The following SLIRP variants were observed in gnomAD, a reference collection of about 807,000 sequenced individuals.
The protein encoded by SLIRP is SRA stem-loop interacting RNA binding protein.
Under a neutral mutation model 13.4 loss-of-function variants are expected in SLIRP, and 12 were observed. That is an observed-to-expected ratio of 0.89 (90% CI 0.57 to 1.45). The LOEUF (loss-of-function observed/expected upper bound fraction) is 1.45. Among genes scored for constraint, SLIRP ranks in the 40% most tolerant of loss-of-function variants. SLIRP has a pLI of 0.00. For missense variants in SLIRP, 154 were observed against 132.2 expected, an observed-to-expected ratio of 1.17 and a Z score of -0.81; for synonymous variants, 55 against 47.1, an observed-to-expected ratio of 1.17 and a Z score of -0.69.
Position 77,708,169 on chromosome 14 carries a change from G to A in SLIRP, c.58G>A (p.Val20Ile). The A allele has an allele frequency of 6.2e-7, 1 of 1,614,222 alleles. No individual in the cohort carries two copies. Among genetic ancestry groups the A allele is most frequent in the Non-Finnish European group, 8.5e-7 (1 of 1,180,058 alleles). The part of the protein sequence containing the change: ...AALRRSINQP[V>I]AFVRRIPWTA... ...GCTGCGTAGAAGTATCAATCAGCCG[G>A]TTGCTTTTGTGAGAAGAATTCCTTG... is the stretch of plus-strand genomic sequence containing the variant. Residue 20 changes from valine (V) to isoleucine (I), a missense_variant, in exon 1 of 4, where the codon GTT (valine) becomes ATT (isoleucine). Coordinates refer to ENST00000557342, the MANE Select transcript of SLIRP (RefSeq NM_031210.6).
rs2080433140 is a variant in SLIRP, at chr14:77,710,702, T to C, written c.98-136T>C. The C allele has an allele frequency of 3.2e-6, 5 of 1,570,790 alleles. No individual in the cohort carries two copies. The Admixed American group carries it at 8.7e-5, about 27-fold the overall frequency. The stretch of plus-strand genomic sequence containing the variant: ...CTTTATAGTCAGTACCATAGCTGCT[T>C]CCTAAATCTTAAGCCTTTAAGGAAA... On this transcript the variant is annotated intron_variant, in intron 1 of 3. Coordinates refer to ENST00000557342, the MANE Select transcript of SLIRP (RefSeq NM_031210.6).
intron 1 of SLIRP, among the ~76,000 whole-genome samples, chr14:77,709,423 C>G (rs1247270530): frequency 6.6e-6 from 1 of 152,092 alleles, no homozygotes; most frequent in Non-Finnish European, 1.5e-5. Context: ...AAGACCAAGC[C>G]CAGTAAAGTC....
In SLIRP at chr14:77,709,127, C is replaced by T. The variant is rs917533514; in HGVS notation, c.97+919C>T. Among the ~76,000 whole-genome samples, 2 of 152,100 alleles carry T rather than the reference C, an allele frequency of 1.3e-5. 1 individual carries two copies. Among genetic ancestry groups the T allele is most frequent in the African/African-American group, 4.8e-5 (2 of 41,412 alleles). ...TCACGGTAACTAAAATTGAAACTTA[C>T]GGGAGAGGCCTAGTCTACAGATAAA... On this transcript the variant is annotated intron_variant, in intron 1 of 3. Transcript: ENST00000557342.
rs143538724 is a variant in SLIRP, at chr14:77,710,836, A to G, written c.98-2A>G. The G allele has an allele frequency of 4.3e-5, 69 of 1,614,026 alleles. No homozygotes were observed. In the African/African-American group the frequency reaches 7.7e-4, roughly 18 times the overall value. On this transcript the variant is annotated splice_acceptor_variant, in intron 1 of 3. Transcript: ENST00000557342. LOFTEE classifies it high-confidence loss of function. ...CTTTTAATGTTTTCTTCTGCCACAC[A>G]GGTCAGCTGAAAGAACACTTTGCAC...
intron 3 of SLIRP, chr14:77,716,241 C>A (rs2080477602): frequency 6.0e-6 from 1 of 167,538 alleles, no homozygotes; most frequent in Admixed American, 6.0e-5. Context: ...GCGTGAACCC[C>A]AGGGGGTGGA....
At position 77,715,824 on chromosome 14, in the gene SLIRP, A is replaced by C; in HGVS notation, c.209A>C (p.Glu70Ala). ...RGLGWVQFSS[E>A]EGLRNALQQE... ...TTGGGTTGGGTTCAGTTTTCTTCAG[A>C]AGAAGGACTTCGGAATGCACTACAA... is the stretch of plus-strand genomic sequence containing the variant. Residue 70 changes from glutamate to alanine, a missense_variant, in exon 3 of 4, where the codon GAA (glutamate) becomes GCA (alanine). Physicochemically the swap from Glu to Ala is moderately radical, Grantham distance 107. Coordinates refer to ENST00000557342, the MANE Select transcript of SLIRP (RefSeq NM_031210.6). The C allele has an allele frequency of 6.2e-7, 1 of 1,614,050 alleles. No homozygotes were observed. The highest frequency in any genetic ancestry group is 8.5e-7 in the Non-Finnish European group (1 of 1,179,956).
intron 2 of SLIRP, 106 bp from the exon 3 acceptor site, chr14:77,715,666 A>T (rs2080470511): frequency 3.2e-6 from 3 of 933,372 alleles, no homozygotes; most frequent in Admixed American, 2.6e-5. Context: ...AAATTAAATT[A>T]AAAAGTCCGA....
intron 2 of SLIRP, among the ~76,000 whole-genome samples, chr14:77,714,309 G>C (rs954465058): frequency 2.0e-5 from 3 of 151,892 alleles, no homozygotes; most frequent in Non-Finnish European, 4.4e-5. Flanking sequence ...CCTGGACTGA[G>C]TTATTTTTTT....
intron 2 of SLIRP, among the ~76,000 whole-genome samples, chr14:77,714,340 G>A (rs756859406): frequency 2.6e-5 from 4 of 151,788 alleles, no homozygotes; most frequent in Non-Finnish European, 5.9e-5. Context: ...TTGCTCTGTC[G>A]CCCAGGCTGG....
At chr14:77,715,644 AAAAAT>A (rs763735591) in intron 2 of SLIRP, 123 bp from the exon 3 acceptor site, 356 of 773,546 alleles carry the variant, frequency 4.6e-4, no homozygotes, top group East Asian at 2.4e-4. Context: ...GACCCTGCCT[AAAAAT>A]AAAATAAAAT....
rs2080434357 is a variant in SLIRP, at chr14:77,710,858, GCA to G, written c.121_122del (p.Gln41ValfsTer12). Reference protein sequence around the residue: ...AASSQLKEHFAQFGHVRRCIL... With the variant: ...AASSQLKEHFXQFGHVRRCIL... ...CACAGGTCAGCTGAAAGAACACTTTGCACAGTTCGGCCATGTCAGAAGGTGCA... is the reference window on the plus strand; with the variant it reads ...CACAGGTCAGCTGAAAGAACACTTTGCAGTTCGGCCATGTCAGAAGGTGCA... On this transcript the variant is annotated frameshift_variant, in exon 2 of 4. Coordinates refer to ENST00000557342, the MANE Select transcript of SLIRP (RefSeq NM_031210.6). LOFTEE classifies it high-confidence loss of function. 8.7e-6 allele frequency: 14 copies of G among 1,614,004 alleles called. No individual in the cohort carries two copies. Among genetic ancestry groups the G allele is most frequent in the Non-Finnish European group, 1.0e-5 (12 of 1,180,028 alleles).
intron 2 of SLIRP, 114 bp from the exon 3 acceptor site, chr14:77,715,658 A>G: frequency 2.3e-6 from 2 of 857,146 alleles, no homozygotes; most frequent in Non-Finnish European, 3.6e-6. Flanking sequence ...ATAAAATAAA[A>G]TTAAATTAAA....
chr14:77,717,190 A>G (rs1405545812), intron 3 of SLIRP, among the ~76,000 whole-genome samples: 1 of 152,100 alleles, frequency 6.6e-6, no homozygotes, highest in Non-Finnish European at 1.5e-5. Flanking sequence ...GGGCCTTGCT[A>G]TGTTGCAGGG....
At chr14:77,716,927 A>C (rs1456051489) in intron 3 of SLIRP, among the ~76,000 whole-genome samples, 1 of 151,790 alleles carries the variant, frequency 6.6e-6, no homozygotes, top group African/African-American at 2.4e-5. Context: ...ACGCACTGCT[A>C]ATTTTTTTTG....
intron 3 of SLIRP, among the ~76,000 whole-genome samples, chr14:77,717,217 G>C (rs964903289): frequency 3.9e-5 from 6 of 152,110 alleles, no homozygotes; most frequent in African/African-American, 1.4e-4. Flanking sequence ...TGAACTCCTG[G>C]CCTCAAGCAA....
intron 2 of SLIRP, chr14:77,711,859 A>ACAC (rs2080443015): frequency 6.5e-6 from 1 of 152,744 alleles, no homozygotes; most frequent in Admixed American, 6.6e-5. Context: ...GTGCTGGCTT[A>ACAC]TTTTTGTGGA....
At position 77,715,791 on chromosome 14, in the gene SLIRP, A is replaced by C. The variant is rs1442149924; in HGVS notation, c.176A>C (p.His59Pro). Reference protein sequence around the residue: ...ILPFDKETGFHRGLGWVQFSS... With the variant: ...ILPFDKETGFPRGLGWVQFSS... Reference sequence around the variant, plus strand: ...TTTTAGGACAAGGAGACTGGCTTTCACAGAGGTTTGGGTTGGGTTCAGTTT... The same window carrying C: ...TTTTAGGACAAGGAGACTGGCTTTCCCAGAGGTTTGGGTTGGGTTCAGTTT... Residue 59 changes from histidine (H) to proline (P), a missense_variant, in exon 3 of 4, where the codon CAC becomes CCC. Physicochemically the swap from His to Pro is moderately conservative, Grantham distance 77. Coordinates refer to ENST00000557342, the MANE Select transcript of SLIRP (RefSeq NM_031210.6). 6.2e-7 allele frequency: 1 copy of C among 1,613,568 alleles called. No individual in the cohort carries two copies. Among genetic ancestry groups the C allele is most frequent in the East Asian group, 2.2e-5 (1 of 44,878 alleles).
At chr14:77,716,512 G>C (rs1016796525) in intron 3 of SLIRP, among the ~76,000 whole-genome samples, 1 of 150,384 alleles carries the variant, frequency 6.6e-6, no homozygotes, top group Non-Finnish European at 1.5e-5. Context: ...TTAGATGGGC[G>C]TGGTGGCACA....
intron 3 of SLIRP, among the ~76,000 whole-genome samples, chr14:77,716,589 C>T (rs956185216): frequency 2.3e-5 from 3 of 128,872 alleles, no homozygotes; most frequent in Admixed American, 9.1e-5. Flanking sequence ...TTGCAGTGAA[C>T]TAAAATCGCG....
Sources: gnomAD v4.1 joint callset for allele counts (sites outside exome capture counted in the v4.1 genomes callset) on GRCh38, gnomAD v4.1.1 for gene constraint, MANE v1.5 for transcripts, NCBI Gene and HGNC (gene_info 2026-07-23, HGNC 2026-07-21) for gene names.